Variants in SEMA3D observed in about 807,000 individuals in gnomAD.
The protein encoded by SEMA3D is semaphorin 3D, also known as semaphorin-3D.
A neutral mutation model predicts 100.1 loss-of-function variants in SEMA3D; 84 were observed. That is an observed-to-expected ratio of 0.84 (90% CI 0.70 to 1.01). The LOEUF (loss-of-function observed/expected upper bound fraction) is 1.01. SEMA3D is among the 50% of genes least tolerant of loss of function. The pLI is 0.00. For synonymous variants in SEMA3D, 312 were observed against 320.7 expected (o/e 0.97, Z 0.29); for missense variants, 875 against 934.1 (o/e 0.94, Z 0.82).
At chr7:85,043,067 A>C (rs1476213273) in intron 9 of SEMA3D, among the ~76,000 whole-genome samples, 1 of 152,206 alleles carries the variant, frequency 6.6e-6, no homozygotes, top group Non-Finnish European at 1.5e-5. Flanking sequence ...ACATATGCGT[A>C]ATAATACACA....
In SEMA3D at chr7:85,084,446, G is replaced by A. The variant is rs529283023; in HGVS notation, c.313-2867C>T. Among the ~76,000 whole-genome samples, 28 of 152,124 alleles carry A rather than the reference G, an allele frequency of 1.8e-4. No homozygotes were observed. In the South Asian group the frequency reaches 5.4e-3, roughly 29 times the overall value. On this transcript the variant is annotated intron_variant, in intron 4 of 18. Transcript: ENST00000284136. ...TCAATAATACAGTGATTTTACAAAG[G>A]ACAACTTTATATCATTGGACTGAAA... is the stretch of plus-strand genomic sequence containing the variant.
At chr7:85,245,230 A>T in the SEMA3D span, among the ~76,000 whole-genome samples, 1 of 152,236 alleles carries the variant, frequency 6.6e-6, no homozygotes, top group Non-Finnish European at 1.5e-5. Context: ...TGTGAAGTTA[A>T]AAAGAAGATC....
At chr7:85,173,509 G>C (rs566959126) in intron 1 of SEMA3D, among the ~76,000 whole-genome samples, 42 of 152,186 alleles carry the variant, frequency 2.8e-4, no homozygotes, top group African/African-American at 1.0e-3. Context: ...ATTCTCTTAT[G>C]AAAGTATATA....
the SEMA3D span, among the ~76,000 whole-genome samples, chr7:85,205,687 C>T: frequency 2.0e-5 from 3 of 152,246 alleles, no homozygotes; most frequent in South Asian, 4.1e-4. Context: ...TGTAGCCTCA[C>T]AGCAGCAGTT....
At chr7:85,190,489 C>T (rs955873156), upstream of SEMA3D, among the ~76,000 whole-genome samples, 2 of 152,070 alleles carry the variant, frequency 1.3e-5, no homozygotes, top group Non-Finnish European at 2.9e-5. Flanking sequence ...GAGTTTAAAG[C>T]AGCTCACCCA....
At chr7:85,011,700 A>G (rs984665752) in intron 17 of SEMA3D, among the ~76,000 whole-genome samples, 1 of 151,834 alleles carries the variant, frequency 6.6e-6, no homozygotes, top group Non-Finnish European at 1.5e-5. Context: ...ATTGCTAACT[A>G]AAATAACGGA....
intron 8 of SEMA3D, among the ~76,000 whole-genome samples, chr7:85,056,927 G>A (rs943588318): frequency 2.4e-5 from 3 of 127,616 alleles, no homozygotes; most frequent in African/African-American, 8.6e-5. Context: ...ATAGCATTTA[G>A]CATCAGGCAA....
At chr7:85,068,436 G>A (rs1791685925) in intron 6 of SEMA3D, 152 bp from the exon 7 acceptor site, 2 of 574,532 alleles carry the variant, frequency 3.5e-6, no homozygotes, top group Non-Finnish European at 3.1e-6. Context: ...TAACTTTTTA[G>A]CAAATATATC....
At chr7:85,148,414 A>G (rs1790275770) in intron 2 of SEMA3D, among the ~76,000 whole-genome samples, 1 of 152,194 alleles carries the variant, frequency 6.6e-6, no homozygotes, top group South Asian at 2.1e-4. Flanking sequence ...CATCTAGTTC[A>G]AGGACTCTCA....
the SEMA3D span, among the ~76,000 whole-genome samples, chr7:85,195,704 G>A: frequency 6.6e-6 from 1 of 152,100 alleles, no homozygotes; most frequent in Non-Finnish European, 1.5e-5. Flanking sequence ...AGTAGGGATA[G>A]TCTGGTTTTT....
chr7:85,051,912 C>T (rs1224979605), intron 9 of SEMA3D, among the ~76,000 whole-genome samples: 2 of 151,816 alleles, frequency 1.3e-5, no homozygotes, highest in Non-Finnish European at 2.9e-5. Flanking sequence ...AATTAAAATG[C>T]ATTAAAAATT....
rs1333647195 is a variant in SEMA3D at position 85,015,205 on chromosome 7, G to A, written c.1557C>T (p.Tyr519=). The change falls in exon 16 of 19, where the codon TAC becomes TAT. Residue 519 remains tyrosine (Y), a synonymous_variant. Coordinates refer to ENST00000284136, the MANE Select transcript of SEMA3D (RefSeq NM_001384900.1). ...GAACCAATCCATCTCGGGAACCAAT[G>A]TACAATTGTTGCTGCAAATCGGGCA... The part of the protein sequence containing the change: ...MELSLKQQQL[Y]IGSRDGLVQL... 2 of 1,606,760 alleles carry A rather than the reference G, an allele frequency of 1.2e-6. No homozygotes were observed. The highest frequency in any genetic ancestry group is 1.7e-6 in the Non-Finnish European group (2 of 1,174,618).
At chr7:85,038,924 T>C (rs983050743) in intron 11 of SEMA3D, among the ~76,000 whole-genome samples, 1 of 152,156 alleles carries the variant, frequency 6.6e-6, no homozygotes, top group African/African-American at 2.4e-5. Flanking sequence ...ATGAATAAGG[T>C]ATTGTGAACA....
chr7:85,246,097 C>A, the SEMA3D span, among the ~76,000 whole-genome samples: 1 of 152,066 alleles, frequency 6.6e-6, no homozygotes, highest in Non-Finnish European at 1.5e-5. Context: ...TTAATGTCGA[C>A]ATGTATTTAT....
At chr7:85,078,042 CTG>C (rs1344490928) in intron 5 of SEMA3D, among the ~76,000 whole-genome samples, 1 of 151,864 alleles carries the variant, frequency 6.6e-6, no homozygotes, top group African/African-American at 2.4e-5. Context: ...TCATGGCAGT[CTG>C]TGAAGTAAAA....
chr7:85,011,293 G>T (rs541498606), intron 17 of SEMA3D, among the ~76,000 whole-genome samples: 3 of 151,788 alleles, frequency 2.0e-5, no homozygotes, highest in African/African-American at 7.2e-5. Context: ...AAAATTGGCC[G>T]TTGGATTTGG....
At chr7:85,186,650 A>AG (rs1791563621) in intron 1 of SEMA3D, 28 bp downstream of exon 1, 1 of 152,382 alleles carries the variant, frequency 6.6e-6, no homozygotes, top group Non-Finnish European at 1.5e-5. Context: ...CTCCCACTGG[A>AG]GTAGCAGGTG....
the SEMA3D span, among the ~76,000 whole-genome samples, chr7:85,226,890 A>G: frequency 1.8e-4 from 27 of 152,336 alleles, no homozygotes; most frequent in East Asian, 5.2e-3. Context: ...TTATGGTACT[A>G]TAAAGATTTA....
In SEMA3D at chr7:85,068,171, C is replaced by T. The variant is rs368226635; in HGVS notation, c.589+20G>A. The T allele has an allele frequency of 8.2e-5, 113 of 1,377,114 alleles. No homozygotes were observed. The highest frequency in any genetic ancestry group is 1.2e-4 in the Non-Finnish European group (112 of 965,560). 85.3% of individuals were successfully genotyped at this position (1,377,114 alleles called of 1,614,324 possible). On this transcript the variant is annotated intron_variant, in intron 7 of 18. Coordinates refer to ENST00000284136, the MANE Select transcript of SEMA3D (RefSeq NM_001384900.1). ...TTAGAAAACCATTTAAGGATAAGAACTGCCTGTCATTGATCTTACCTGTCA... is the reference window on the plus strand; with the variant it reads ...TTAGAAAACCATTTAAGGATAAGAATTGCCTGTCATTGATCTTACCTGTCA...
Sources: allele counts gnomAD v4.1 joint callset (sites outside exome capture counted in the v4.1 genomes callset), GRCh38; gene constraint gnomAD v4.1.1; transcripts MANE v1.5; gene names NCBI Gene and HGNC (gene_info 2026-07-23, HGNC 2026-07-21).